Variants in SHISA5 observed in about 807,000 individuals in gnomAD.
SHISA5 encodes shisa family member 5.
Under a neutral mutation model 27.5 loss-of-function variants are expected in SHISA5, and 21 were observed. That is an observed-to-expected ratio of 0.76 (90% confidence interval 0.54 to 1.10). SHISA5 has a LOEUF of 1.10. SHISA5 is among the 50% of genes least tolerant of loss of function. SHISA5 has a pLI of 0.00. For synonymous variants in SHISA5, 137 were observed against 142.2 expected (o/e 0.96, Z 0.26); for missense variants, 314 against 336.3 (o/e 0.93, Z 0.52).
intron 2 of SHISA5, among the ~76,000 whole-genome samples, chr3:48,497,887 C>CAAAA (rs58891931): frequency 4.5e-5 from 6 of 132,966 alleles, no homozygotes; most frequent in African/African-American, 1.6e-4. Context: ...GAGACTGTCT[C>CAAAA]AAAAAAAAAA....
intron 3 of SHISA5, chr3:48,472,872 A>T: frequency 1.1e-6 from 1 of 948,510 alleles, no homozygotes; most frequent in South Asian, 1.5e-5. Context: ...TTCCGGCCCA[A>T]CCAGAGGCAG....
rs2040722465 is a variant in SHISA5 at position 48,473,656 on chromosome 3, G to A, written c.315-3813C>T. On this transcript the variant is annotated intron_variant, in intron 3 of 5. Coordinates refer to ENST00000296444, the MANE Select transcript of SHISA5 (RefSeq NM_016479.6). This position sits in a 1 kb window ranked among gnomAD's most constrained non-coding sequence, Gnocchi z 4.3. Reference sequence around the variant, plus strand: ...CCATCATGTCACCACCTGCTCAAACGCCAGCTATGGCTCCTGTAGCTCTTG... The same window carrying A: ...CCATCATGTCACCACCTGCTCAAACACCAGCTATGGCTCCTGTAGCTCTTG... 1 of 1,147,208 alleles carries A rather than the reference G, an allele frequency of 8.7e-7. No individual in the cohort carries two copies. Among genetic ancestry groups the A allele is most frequent in the Non-Finnish European group, 1.1e-6 (1 of 908,772 alleles). The allele number at this position is 1,147,208 out of a possible 1,614,324, so 71.1% of individuals were successfully genotyped here.
Position 48,468,982 on chromosome 3 carries a change from CAT to C in SHISA5, c.*123_*124del. 6.4e-7 allele frequency: 1 copy of C among 1,572,432 alleles called. No homozygotes were observed. The highest frequency in any genetic ancestry group is 1.7e-4 in the Middle Eastern group (1 of 5,992). ...ATACAGGCAGGACACACACAGCACA[CAT>C]GGGGCGTAAGGAACCGTGCCTGGAC... On this transcript the variant is annotated 3_prime_UTR_variant, in exon 6 of 6. Coordinates refer to ENST00000296444, the MANE Select transcript of SHISA5 (RefSeq NM_016479.6).
intron 2 of SHISA5, 97 bp downstream of exon 2, chr3:48,501,040 C>A: frequency 2.2e-6 from 3 of 1,355,132 alleles, no homozygotes; most frequent in Non-Finnish European, 2.0e-6. Flanking sequence ...CTTGAGAGGG[C>A]TGAGAGGCCA....
chr3:48,478,722 C>A (rs1247472938), intron 3 of SHISA5, among the ~76,000 whole-genome samples: 1 of 152,096 alleles, frequency 6.6e-6, no homozygotes, highest in Non-Finnish European at 1.5e-5. Context: ...AGGACCTCTC[C>A]CCACCGTTAT....
At chr3:48,483,708 G>T (rs113480923) in intron 2 of SHISA5, among the ~76,000 whole-genome samples, 17 of 39,024 alleles carry the variant, frequency 4.4e-4, no homozygotes, top group Admixed American at 1.9e-3. Flanking sequence ...GCGGCTGGCC[G>T]GGTGGGGGGC....
intron 2 of SHISA5, among the ~76,000 whole-genome samples, chr3:48,489,460 C>T (rs1161268134): frequency 6.6e-6 from 1 of 151,144 alleles, no homozygotes; most frequent in Non-Finnish European, 1.5e-5. Context: ...GCTGGCACTA[C>T]AGGCGCCCGC....
chr3:48,487,745 A>C (rs2041293848), intron 2 of SHISA5, among the ~76,000 whole-genome samples: 1 of 152,132 alleles, frequency 6.6e-6, no homozygotes, highest in Admixed American at 6.6e-5. Context: ...ATACCAAAAA[A>C]ATTATCTGGG....
At chr3:48,486,813 G>A (rs1461114188) in intron 2 of SHISA5, among the ~76,000 whole-genome samples, 13 of 149,974 alleles carry the variant, frequency 8.7e-5, no homozygotes, top group African/African-American at 1.2e-4. Flanking sequence ...GCCTGTACTC[G>A]GGAGGCTGAG....
Position 48,474,569 on chromosome 3 carries a change from T to G in SHISA5, c.314+4608A>C, listed in dbSNP as rs563270369. On this transcript the variant is annotated intron_variant, in intron 3 of 5. Coordinates refer to ENST00000296444, the MANE Select transcript of SHISA5 (RefSeq NM_016479.6). ...CCAGGCTGGTCTCGAACTCCCGACCTCAGGTGATCTGCCCACCTTGGCCTC... is the reference window on the plus strand; with the variant it reads ...CCAGGCTGGTCTCGAACTCCCGACCGCAGGTGATCTGCCCACCTTGGCCTC... Among the ~76,000 whole-genome samples, 84 of 152,220 alleles carry G rather than the reference T, an allele frequency of 5.5e-4. 1 individual carries two copies. Among genetic ancestry groups the G allele is most frequent in the Middle Eastern group, 3.4e-3 (1 of 294 alleles).
In SHISA5 at chr3:48,469,030, G is replaced by A. The variant is rs770408057; in HGVS notation, c.*77C>T. 2.4e-5 allele frequency: 39 copies of A among 1,603,910 alleles called. No individual in the cohort carries two copies. Among genetic ancestry groups the A allele is most frequent in the East Asian group, 4.5e-5 (2 of 44,880 alleles). The stretch of plus-strand genomic sequence containing the variant: ...TGGACACACACAGCACACATGGGGC[G>A]TAAGGAACCGCGCCTGCACACCACT... On this transcript the variant is annotated 3_prime_UTR_variant, in exon 6 of 6. Transcript: ENST00000296444. This position sits in a 1 kb window ranked among gnomAD's most constrained non-coding sequence, Gnocchi z 4.6.
intron 3 of SHISA5, 108 bp downstream of exon 3, chr3:48,479,069 C>T (rs1560123763): frequency 1.0e-6 from 1 of 989,178 alleles, no homozygotes; most frequent in Non-Finnish European, 1.5e-6. Context: ...TTCTTGGGCT[C>T]CACCCCAATG....
rs1361687287 is a variant in SHISA5 at position 48,495,511 on chromosome 3, T to G, written c.233+5626A>C. ...GAGAGAATAGAAGAAGCACTCTGAG[T>G]TTTTTTTTCCACTTTTTTCGGGGGC... On this transcript the variant is annotated intron_variant, in intron 2 of 5. Coordinates refer to ENST00000296444, the MANE Select transcript of SHISA5 (RefSeq NM_016479.6). Among the ~76,000 whole-genome samples, 12 of 145,022 alleles carry G rather than the reference T, an allele frequency of 8.3e-5. No individual in the cohort carries two copies. In the East Asian group the frequency reaches 9.8e-4, roughly 12 times the overall value.
chr3:48,483,666 C>T (rs1463406917), intron 2 of SHISA5, among the ~76,000 whole-genome samples: 2 of 150,578 alleles, frequency 1.3e-5, no homozygotes, highest in Non-Finnish European at 3.0e-5. Flanking sequence ...TAGGGGTGGC[C>T]GGGCAGAGGC....
chr3:48,481,600 C>A (rs569708799), intron 2 of SHISA5, among the ~76,000 whole-genome samples: 1 of 151,386 alleles, frequency 6.6e-6, no homozygotes, highest in African/African-American at 2.4e-5. Context: ...ACCAGCCTGG[C>A]CAACGTGGCG....
rs1210347347 is a variant in SHISA5 at position 48,473,150 on chromosome 3, A to G, written c.315-3307T>C. The G allele has an allele frequency of 6.9e-7, 1 of 1,453,320 alleles. No individual in the cohort carries two copies. The allele number at this position is 1,453,320 out of a possible 1,614,324, so 90.0% of individuals were successfully genotyped here. On this transcript the variant is annotated intron_variant, in intron 3 of 5. Coordinates refer to ENST00000296444, the MANE Select transcript of SHISA5 (RefSeq NM_016479.6). The surrounding 1 kb of genome is among the most constrained non-coding windows in gnomAD (Gnocchi z 4.3). ...ATCTCCTCCAGATGACGTCAGCCAC[A>G]GGAAGCACAGACGCGAAGCCCCGTT...
chr3:48,475,818 A>G (rs186250897), intron 3 of SHISA5, among the ~76,000 whole-genome samples: 1 of 152,374 alleles, frequency 6.6e-6, no homozygotes, highest in African/African-American at 2.4e-5. Context: ...CCAGGAGACT[A>G]TCTGGGGAGT....
Position 48,475,249 on chromosome 3 carries a change from TAG to T in SHISA5, c.314+3926_314+3927del, listed in dbSNP as rs1296114389. On this transcript the variant is annotated intron_variant, in intron 3 of 5. Transcript: ENST00000296444. ...TCAAGGGGTGGTTGCAGAGCGGGGC[TAG>T]GGTACAAGGCCACACGTGGCTACAG... Among the ~76,000 whole-genome samples, 4 of 152,056 alleles carry T rather than the reference TAG, an allele frequency of 2.6e-5. No individual in the cohort carries two copies. In the East Asian group the frequency reaches 7.7e-4, roughly 29 times the overall value.
intron 2 of SHISA5, among the ~76,000 whole-genome samples, chr3:48,480,876 A>G (rs1360719224): frequency 1.3e-5 from 2 of 152,066 alleles, no homozygotes; most frequent in Non-Finnish European, 2.9e-5. Context: ...AGGCAGATCA[A>G]CTGAGGTCAG....
Sources: allele counts gnomAD v4.1 joint callset (sites outside exome capture counted in the v4.1 genomes callset), GRCh38; gene constraint gnomAD v4.1.1; non-coding constraint Gnocchi (gnomAD v3.1); transcripts MANE v1.5; gene names NCBI Gene and HGNC (gene_info 2026-07-23, HGNC 2026-07-21).